The following TAMM41 variants were observed in gnomAD, a reference collection of about 807,000 sequenced individuals.
The protein encoded by TAMM41 is TAM41 mitochondrial translocator assembly and maintenance homolog, also known as phosphatidate cytidylyltransferase, mitochondrial.
A neutral mutation model predicts 44.1 loss-of-function variants in TAMM41; 36 were observed. That is an observed-to-expected ratio of 0.82 (90% CI 0.63 to 1.08). The LOEUF is 1.08. Ranked by LOEUF, TAMM41 falls within the 50% of genes least tolerant of loss-of-function variation. The pLI is 0.00. For synonymous variants in TAMM41, 164 were observed against 153.1 expected, an observed-to-expected ratio of 1.07 and a Z score of -0.53; for missense variants, 417 against 404.3, an observed-to-expected ratio of 1.03 and a Z score of -0.27.
the TAMM41 span, among the ~76,000 whole-genome samples, chr3:11,777,589 T>G: frequency 1.2e-4 from 19 of 152,210 alleles, no homozygotes; most frequent in South Asian, 3.9e-3. Context: ...CGATCCAGAG[T>G]TCGAGACCAG....
At chr3:11,845,637 T>C (rs1414303379) in intron 1 of TAMM41, among the ~76,000 whole-genome samples, 1 of 151,932 alleles carries the variant, frequency 6.6e-6, no homozygotes, top group Non-Finnish European at 1.5e-5. Flanking sequence ...TAAAGAAAAA[T>C]ATTAAATAGT....
chr3:11,774,870 ATT>A, the TAMM41 span, among the ~76,000 whole-genome samples: 4 of 139,262 alleles, frequency 2.9e-5, no homozygotes, highest in Non-Finnish European at 3.1e-5. Flanking sequence ...CATTGAAAGC[ATT>A]TTTTTTTTTT....
the TAMM41 span, among the ~76,000 whole-genome samples, chr3:11,736,668 T>TGG: frequency 6.6e-6 from 1 of 152,124 alleles, no homozygotes; most frequent in Non-Finnish European, 1.5e-5. Context: ...CACAAACGTG[T>TGG]GGGCAGGACT....
downstream of TAMM41, among the ~76,000 whole-genome samples, chr3:11,788,960 A>C (rs1475371063): frequency 6.6e-6 from 1 of 151,964 alleles, no homozygotes; most frequent in Admixed American, 6.6e-5. Context: ...AAGAAAAAAG[A>C]AAAAAAAGAA....
At chr3:11,837,176 A>G (rs917613066) in intron 3 of TAMM41, among the ~76,000 whole-genome samples, 2 of 152,202 alleles carry the variant, frequency 1.3e-5, no homozygotes, top group Non-Finnish European at 2.9e-5. Context: ...CAGTGAGCTA[A>G]GGCTATGGAA....
intron 6 of TAMM41, chr3:11,808,559 C>G: frequency 1.0e-6 from 1 of 985,430 alleles, no homozygotes. Context: ...CTATCTGGCA[C>G]GCGGAGGAGC....
At chr3:11,830,033 T>C (rs1559312307) in intron 3 of TAMM41, 169 bp from the exon 4 acceptor site, 2 of 584,730 alleles carry the variant, frequency 3.4e-6, no homozygotes, top group Non-Finnish European at 5.9e-6. Context: ...CAGAATCTCC[T>C]TGTTTTATGC....
At chr3:11,771,879 G>T in the TAMM41 span, among the ~76,000 whole-genome samples, 78 of 151,858 alleles carry the variant, frequency 5.1e-4, no homozygotes, top group South Asian at 3.5e-3. Flanking sequence ...CACCACGCCC[G>T]GCCTGTTTAT....
the TAMM41 span, among the ~76,000 whole-genome samples, chr3:11,768,602 AGAG>A: frequency 6.6e-6 from 1 of 152,260 alleles, no homozygotes; most frequent in Non-Finnish European, 1.5e-5. Flanking sequence ...CAGGAAATTT[AGAG>A]AAGAAGGAGA....
rs141805597 is a variant in TAMM41, at chr3:11,841,073, A to ATTT, written c.319-1762_319-1760dup. On this transcript the variant is annotated intron_variant, in intron 2 of 7. Transcript: ENST00000455809. ...AGAAATTATAGTTCAGCCCATTTCT[A>ATTT]TTTTTTTTTTTTTTTTTTTTTTTTT... is the stretch of plus-strand genomic sequence containing the variant. Among the ~76,000 whole-genome samples, 171 of 83,942 alleles carry ATTT rather than the reference A, an allele frequency of 2.0e-3. 9 individuals are homozygous for ATTT. Among genetic ancestry groups the ATTT allele is most frequent in the South Asian group, 3.5e-3 (7 of 2,004 alleles). The allele number at this position is 83,942 out of a possible 152,430, so 55.1% of individuals were successfully genotyped here.
intron 7 of TAMM41, among the ~76,000 whole-genome samples, chr3:11,805,015 T>G (rs1575621011): frequency 7.0e-6 from 1 of 142,800 alleles, no homozygotes; most frequent in East Asian, 2.0e-4. Context: ...TTTTTTTTTT[T>G]TTTTTTTTTG....
intron 7 of TAMM41, among the ~76,000 whole-genome samples, chr3:11,803,493 G>A (rs1207103643): frequency 6.6e-6 from 1 of 152,238 alleles, no homozygotes; most frequent in East Asian, 1.9e-4. Flanking sequence ...AGCCTTTATG[G>A]GAAACAGTAT....
intron 1 of TAMM41, among the ~76,000 whole-genome samples, chr3:11,845,926 T>G (rs1365311870): frequency 6.6e-6 from 1 of 152,190 alleles, no homozygotes; most frequent in African/African-American, 2.4e-5. Flanking sequence ...CGCACTAACT[T>G]TTGATGTTAG....
the TAMM41 span, among the ~76,000 whole-genome samples, chr3:11,766,220 G>A: frequency 2.6e-5 from 4 of 151,226 alleles, no homozygotes; most frequent in Admixed American, 6.6e-5. Flanking sequence ...GCTGGAGTGC[G>A]GAGTGAGGAC....
the TAMM41 span, among the ~76,000 whole-genome samples, chr3:11,751,838 T>C: frequency 1.3e-5 from 2 of 152,282 alleles, no homozygotes; most frequent in South Asian, 4.1e-4. Context: ...TTTGCACTTA[T>C]CGATAGCCAG....
chr3:11,724,347 C>A, the TAMM41 span, among the ~76,000 whole-genome samples: 1 of 152,022 alleles, frequency 6.6e-6, no homozygotes, highest in Non-Finnish European at 1.5e-5. Context: ...AGGTGATCAA[C>A]CTGCCTCGGG....
chr3:11,809,311 A>G (rs1575631790), intron 6 of TAMM41: 1 of 585,124 alleles, frequency 1.7e-6, no homozygotes. Context: ...CCAGGAATTT[A>G]AAAACAGAAG....
In TAMM41 at chr3:11,844,057, T is replaced by C. The variant is rs375598769; in HGVS notation, c.290A>G (p.Tyr97Cys). The part of the protein sequence containing the change: ...IQNNYGAGVY[Y>C]NSLIMCNGRL... ...ACCATTACACATGATCAATGAATTG[T>C]AGTAAACTCCAGCGCCATAGTTATT... The change falls in exon 2 of 8, where the codon TAC (tyrosine) becomes TGC (cysteine). Residue 97 changes from tyrosine to cysteine, a missense_variant. By Grantham distance (194) the Tyr-to-Cys change is radical. Coordinates refer to ENST00000455809, the MANE Select transcript of TAMM41 (RefSeq NM_001284401.2). The C allele has an allele frequency of 3.0e-5, 49 of 1,614,012 alleles. No individual in the cohort carries two copies. The highest frequency in any genetic ancestry group is 1.3e-4 in the Admixed American group (8 of 60,000).
rs977198179 is a variant in TAMM41 at position 11,818,089 on chromosome 3, T to C, written c.563-752A>G. Among the ~76,000 whole-genome samples the C allele has an allele frequency of 4.6e-5, 7 of 152,228 alleles. 1 individual carries two copies. Among genetic ancestry groups the C allele is most frequent in the Admixed American group, 4.6e-4 (7 of 15,278 alleles). On this transcript the variant is annotated intron_variant, in intron 4 of 7. Transcript: ENST00000455809. ...ACACTTAAGTGCATGCCTACTGGGCTAATGTGAAATCACAAGAGGCTGGAC... is the reference window on the plus strand; with the variant it reads ...ACACTTAAGTGCATGCCTACTGGGCCAATGTGAAATCACAAGAGGCTGGAC...
Sources: gnomAD v4.1 joint callset for allele counts (sites outside exome capture counted in the v4.1 genomes callset) on GRCh38, gnomAD v4.1.1 for gene constraint, MANE v1.5 for transcripts, NCBI Gene and HGNC (gene_info 2026-07-23, HGNC 2026-07-21) for gene names.